PTPRB: variants seen among roughly 807,000 people sequenced by gnomAD.
The protein encoded by PTPRB is protein tyrosine phosphatase receptor type B.
A neutral mutation model predicts 238.1 loss-of-function variants in PTPRB; 97 were observed. The observed-to-expected ratio is 0.41, with a 90% CI of 0.35 to 0.48. The LOEUF is 0.48. Among genes scored for constraint, PTPRB ranks in the 20% least tolerant of loss-of-function variants. The probability of loss-of-function intolerance (pLI) is 0.30; values close to 1 mark genes in which losing one functional copy is unlikely to be tolerated. For missense variants in PTPRB, 2,292 were observed against 2,681.9 expected (o/e 0.85, Z 3.21); for synonymous variants, 970 against 995.4 (o/e 0.97, Z 0.48).
chr12:70,533,439 A>G (rs1873602502), intron 31 of PTPRB, among the ~76,000 whole-genome samples: 1 of 152,128 alleles, frequency 6.6e-6, no homozygotes, highest in Non-Finnish European at 1.5e-5. Context: ...GGCTATCAAA[A>G]TGTTGCTGCA....
At chr12:70,594,384 A>T (rs2136473926) in intron 6 of PTPRB, 83 bp downstream of exon 6, 1 of 1,522,150 alleles carries the variant, frequency 6.6e-7, no homozygotes, top group African/African-American at 1.4e-5. Context: ...CCTATATTAC[A>T]GTTATTCATA....
At chr12:70,548,546 A>G (rs1876428904) in intron 21 of PTPRB, among the ~76,000 whole-genome samples, 1 of 152,190 alleles carries the variant, frequency 6.6e-6, no homozygotes, top group African/African-American at 2.4e-5. Context: ...CAACCTTGAC[A>G]TGGTCTGCTC....
chr12:70,566,454 G>T lies in PTPRB; in HGVS notation c.3885C>A (p.Ala1295=). The change falls in exon 15 of 34, where the codon GCC becomes GCA. Residue 1295 remains alanine (A), a synonymous_variant. Transcript: ENST00000334414. ...AATTACCTGTTCGGCCTTCAGTCTG[G>T]GCTTCCTTGCTAAAGAGGCCTCCAC... ...TVSGGLFSKE[A]QTEGRTVPAA... 1.2e-6 allele frequency: 2 copies of T among 1,613,804 alleles called. No individual in the cohort carries two copies. The highest frequency in any genetic ancestry group is 1.7e-6 in the Non-Finnish European group (2 of 1,179,816).
At chr12:70,607,560 T>G (rs1566007053) in intron 4 of PTPRB, among the ~76,000 whole-genome samples, 1 of 150,788 alleles carries the variant, frequency 6.6e-6, no homozygotes, top group Non-Finnish European at 1.5e-5. Context: ...TTTTTTTTTT[T>G]TTTTTGAGAC....
At chr12:70,547,776 G>A (rs1011685514) in intron 21 of PTPRB, among the ~76,000 whole-genome samples, 1 of 151,812 alleles carries the variant, frequency 6.6e-6, no homozygotes, top group South Asian at 2.1e-4. Flanking sequence ...CAAAGTGCTC[G>A]GATTACAAGT....
At chr12:70,569,269 ATT>A (rs1879724931) in intron 14 of PTPRB, among the ~76,000 whole-genome samples, 1 of 151,782 alleles carries the variant, frequency 6.6e-6, no homozygotes. Context: ...CGCCTGGCTA[ATT>A]TTTTGTATTT....
intron 5 of PTPRB, among the ~76,000 whole-genome samples, chr12:70,595,111 G>A (rs532200511): frequency 1.3e-5 from 2 of 152,042 alleles, no homozygotes; most frequent in East Asian, 3.9e-4. Context: ...TGGAATACTA[G>A]GCAGCCATAA....
intron 14 of PTPRB, among the ~76,000 whole-genome samples, chr12:70,567,244 A>C (rs1158649994): frequency 6.6e-6 from 1 of 152,202 alleles, no homozygotes; most frequent in Admixed American, 6.5e-5. Context: ...CTCATTCTAC[A>C]TAATCTTCCT....
At chr12:70,542,937 T>C (rs1875409068) in intron 22 of PTPRB, 1 of 150,964 alleles carries the variant, frequency 6.6e-6, no homozygotes, top group Admixed American at 6.6e-5. Context: ...ACTATATATA[T>C]AGTGTAATTT....
intron 7 of PTPRB, chr12:70,591,663 A>G (rs960751224): frequency 6.6e-6 from 1 of 152,362 alleles, no homozygotes; most frequent in African/African-American, 2.4e-5. Flanking sequence ...AGGATCAGGT[A>G]GTAAATATTT....
chr12:70,589,667 G>C (rs1003527780), intron 8 of PTPRB, among the ~76,000 whole-genome samples: 1 of 139,870 alleles, frequency 7.1e-6, no homozygotes, highest in Non-Finnish European at 1.6e-5. Context: ...ACTAGCAAAA[G>C]GTTCTTCTTT....
At chr12:70,591,194 C>T (rs1882461554) in intron 7 of PTPRB, among the ~76,000 whole-genome samples, 1 of 151,708 alleles carries the variant, frequency 6.6e-6, no homozygotes, top group South Asian at 2.1e-4. Context: ...CCTCAGCCTC[C>T]TAAAGTGCTG....
intron 16 of PTPRB, among the ~76,000 whole-genome samples, chr12:70,562,287 C>G (rs150546486): frequency 1.5e-4 from 23 of 151,062 alleles, no homozygotes; most frequent in South Asian, 1.0e-3. Flanking sequence ...TCGTCCCCCC[C>G]CAAAACATTT....
At chr12:70,529,944 T>TG in intron 32 of PTPRB, among the ~76,000 whole-genome samples, 1 of 108,806 alleles carries the variant, frequency 9.2e-6, no homozygotes, top group East Asian at 1.9e-4. Context: ...ACAAAATCCA[T>TG]GGGGAGTAGA....
chr12:70,521,163 A>G lies in PTPRB; in HGVS notation c.*326T>C, dbSNP rs777782529. ...TGTCTCTGCCACCACCTCCATATGC[A>G]TTTTACCAGTAGTCCTGTCATACAG... is the stretch of plus-strand genomic sequence containing the variant. On this transcript the variant is annotated 3_prime_UTR_variant, in exon 34 of 34. Coordinates refer to ENST00000334414, the MANE Select transcript of PTPRB (RefSeq NM_001109754.4). The G allele has an allele frequency of 6.8e-4, 147 of 215,910 alleles. 2 individuals are homozygous for G. The highest frequency in any genetic ancestry group is 1.6e-4 in the Non-Finnish European group (18 of 110,114). The allele number at this position is 215,910 out of a possible 1,614,324, so 13.4% of individuals were successfully genotyped here.
rs1191940518 is a variant in PTPRB, at chr12:70,520,101, A to G, written c.*1388T>C. 5.1e-6 allele frequency: 2 copies of G among 395,350 alleles called. No homozygotes were observed. The highest frequency in any genetic ancestry group is 1.0e-5 in the Non-Finnish European group (2 of 199,614). 24.5% of individuals were successfully genotyped at this position (395,350 alleles called of 1,614,324 possible). The stretch of plus-strand genomic sequence containing the variant: ...TTGACCTCTAATTCCCAAGTTTATT[A>G]CAGAAAAATTTGTAGTGTGAAAAAG... On this transcript the variant is annotated 3_prime_UTR_variant, in exon 34 of 34. Coordinates refer to ENST00000334414, the MANE Select transcript of PTPRB (RefSeq NM_001109754.4).
chr12:70,524,811 T>TTA (rs906416938), intron 32 of PTPRB, among the ~76,000 whole-genome samples: 5 of 152,074 alleles, frequency 3.3e-5, no homozygotes, highest in East Asian at 1.9e-4. Flanking sequence ...TTCATTCTTT[T>TTA]TATATATATA....
rs1321049505 is a variant in PTPRB, at chr12:70,548,340, TCTCTCTCACACACACA to T, written c.5388-3693_5388-3678del. ...AAGACTCTCTCTCTCTCTCTCTCTCTCTCTCTCACACACACACACACACACACACACACACACACAC... is the reference window on the plus strand; with the variant it reads ...AAGACTCTCTCTCTCTCTCTCTCTCTCACACACACACACACACACACACAC... On this transcript the variant is annotated intron_variant, in intron 21 of 33. Transcript: ENST00000334414. Among the ~76,000 whole-genome samples, 92 of 58,120 alleles carry T rather than the reference TCTCTCTCACACACACA, an allele frequency of 1.6e-3. No homozygotes were observed. The East Asian group carries it at 0.019, about 12-fold the overall frequency. The allele number at this position is 58,120 out of a possible 152,430, so 38.1% of individuals were successfully genotyped here.
rs1592503471 is a variant in PTPRB, at chr12:70,570,673, G to GTCAGTACATGTT, written c.3370+352_3370+353insAACATGTACTGA. On this transcript the variant is annotated intron_variant, in intron 13 of 33. Transcript: ENST00000334414. ...CTTTGCTGTGGGTCTGGTTCATGGT[G>GTCAGTACATGTT]AACTGTCAGTACATGTTAACTACTA... Among the ~76,000 whole-genome samples, 19 of 152,240 alleles carry GTCAGTACATGTT rather than the reference G, an allele frequency of 1.2e-4. No individual in the cohort carries two copies. In the East Asian group the frequency reaches 3.7e-3, roughly 29 times the overall value.
Sources: allele counts gnomAD v4.1 joint callset (sites outside exome capture counted in the v4.1 genomes callset), GRCh38; gene constraint gnomAD v4.1.1; transcripts MANE v1.5; gene names NCBI Gene and HGNC (gene_info 2026-07-23, HGNC 2026-07-21).